Variants in INO80 observed in about 807,000 individuals in gnomAD.
INO80 encodes the protein INO80 complex ATPase subunit.
A neutral mutation model predicts 203.4 loss-of-function variants in INO80; 20 were observed. The observed-to-expected ratio is 0.10, with a 90% CI of 0.07 to 0.14. The LOEUF (loss-of-function observed/expected upper bound fraction) is 0.14, where lower values mean the gene tolerates loss of function less well. INO80 is among the 10% of genes least tolerant of loss of function. The pLI, the probability that INO80 is intolerant of heterozygous loss-of-function variation, is 1.00. For synonymous variants in INO80, 726 were observed against 685.2 expected (o/e 1.06, Z -0.93); for missense variants, 1,419 against 1,914.4 (o/e 0.74, Z 4.83).
Position 40,978,923 on chromosome 15 carries a change from A to G in INO80, c.*1300T>C, listed in dbSNP as rs1893700922. 6.6e-6 allele frequency: 1 copy of G among 152,594 alleles called. No homozygotes were observed. The highest frequency in any genetic ancestry group is 6.5e-5 in the Admixed American group (1 of 15,274). The allele number at this position is 152,594 out of a possible 1,614,324, so 9.5% of individuals were successfully genotyped here. A position where few individuals can be genotyped will look rare whatever the true frequency, so the allele number is the denominator to read the frequency against. The stretch of plus-strand genomic sequence containing the variant: ...ACTCCATTTTATTTAAGATTTTTTT[A>G]TCCAGTTAGTAAAAGGAAGATGTGT... On this transcript the variant is annotated 3_prime_UTR_variant, in exon 36 of 36. Transcript: ENST00000648947.
At chr15:41,063,881 A>G (rs891408751) in intron 14 of INO80, among the ~76,000 whole-genome samples, 5 of 152,222 alleles carry the variant, frequency 3.3e-5, no homozygotes, top group African/African-American at 1.2e-4. Flanking sequence ...GAAAAAAATT[A>G]AAGAAAAACA....
At chr15:41,060,265 G>A (rs1260090809) in intron 14 of INO80, among the ~76,000 whole-genome samples, 1 of 152,084 alleles carries the variant, frequency 6.6e-6, no homozygotes, top group African/African-American at 2.4e-5. Flanking sequence ...TAGTTGAGAG[G>A]GTAAGAAACT....
At chr15:41,092,819 G>A (rs1344540978) in intron 4 of INO80, among the ~76,000 whole-genome samples, 2 of 152,174 alleles carry the variant, frequency 1.3e-5, no homozygotes, top group African/African-American at 4.8e-5. Flanking sequence ...CACTTTGGCA[G>A]GCCCAGGCAT....
intron 29 of INO80, among the ~76,000 whole-genome samples, chr15:40,995,259 C>G (rs1442278647): frequency 6.6e-6 from 1 of 152,032 alleles, no homozygotes; most frequent in Non-Finnish European, 1.5e-5. Flanking sequence ...AAGGGAGGGG[C>G]TGGGAAAGGA....
At chr15:41,115,805 A>C (rs1413077517) in intron 1 of INO80, among the ~76,000 whole-genome samples, 168 bp downstream of exon 1, 2 of 152,070 alleles carry the variant, frequency 1.3e-5, no homozygotes, top group Admixed American at 1.3e-4. Flanking sequence ...TGAGGTCCCA[A>C]CCCTGCGGGG....
rs150253639 is a variant in INO80 at position 41,030,617 on chromosome 15, C to T, written c.2908-2881G>A. 1.2e-3 allele frequency among the ~76,000 whole-genome samples: 181 copies of T among 152,182 alleles called. 3 individuals are homozygous for T. In the East Asian group the frequency reaches 0.027, roughly 23 times the overall value. ...CCACAAGTGATCCCCTCTCCTCAGC[C>T]TCCCAAAGTGCTGGGATTATAGGCA... On this transcript the variant is annotated intron_variant, in intron 24 of 35. Coordinates refer to ENST00000648947, the MANE Select transcript of INO80 (RefSeq NM_017553.3).
chr15:41,012,282 G>C (rs1338986703), intron 27 of INO80, among the ~76,000 whole-genome samples: 1 of 152,108 alleles, frequency 6.6e-6, no homozygotes. Flanking sequence ...AGATCCTATA[G>C]GTGGCCAGGC....
intron 32 of INO80, 133 bp from the exon 33 acceptor site, chr15:40,984,485 A>G (rs1893947930): frequency 2.6e-6 from 2 of 782,868 alleles, no homozygotes. Context: ...ATTTTTACGG[A>G]AGAAAAACTG....
chr15:40,986,375 A>G (rs1012319255), intron 31 of INO80, among the ~76,000 whole-genome samples: 1 of 126,052 alleles, frequency 7.9e-6, no homozygotes, highest in East Asian at 2.6e-4. Context: ...TCCAGGCTGG[A>G]GTGCAATGGC....
intron 27 of INO80, chr15:41,013,319 T>C (rs558867917): frequency 1.3e-5 from 2 of 152,354 alleles, no homozygotes; most frequent in East Asian, 3.9e-4. Flanking sequence ...CTTAAGTTTG[T>C]GTTTTTTCTT....
chr15:41,056,828 ATCATGTAT>A, intron 16 of INO80, 122 bp from the exon 17 acceptor site: 1 of 716,974 alleles, frequency 1.4e-6, no homozygotes, highest in Non-Finnish European at 2.4e-6. Flanking sequence ...CAAGTACTCC[ATCATGTAT>A]TCAACTGAAA....
intron 27 of INO80, among the ~76,000 whole-genome samples, chr15:41,012,049 C>T (rs1354471548): frequency 3.3e-5 from 5 of 152,176 alleles, no homozygotes; most frequent in African/African-American, 1.2e-4. Context: ...CCTTAAACTA[C>T]AAACTCAGTT....
At chr15:41,102,496 A>G (rs920631478) in intron 1 of INO80, among the ~76,000 whole-genome samples, 90 of 152,094 alleles carry the variant, frequency 5.9e-4, no homozygotes, top group African/African-American at 2.1e-3. Context: ...GTGAAACCCC[A>G]TCTCTACTAA....
intron 5 of INO80, 112 bp from the exon 6 acceptor site, chr15:41,087,794 T>C (rs2045583211): frequency 2.8e-6 from 3 of 1,077,358 alleles, no homozygotes; most frequent in Admixed American, 3.0e-5. Context: ...TACAGTATTC[T>C]TCCCACAAAG....
chr15:41,047,343 G>T (rs2044786181), intron 23 of INO80, 65 bp downstream of exon 23: 4 of 918,484 alleles, frequency 4.4e-6, no homozygotes, highest in Non-Finnish European at 7.0e-6. Context: ...TAATTCCACA[G>T]TATTCAATAT....
chr15:41,006,641 A>G (rs368481118), intron 27 of INO80, among the ~76,000 whole-genome samples: 1 of 152,308 alleles, frequency 6.6e-6, no homozygotes, highest in South Asian at 2.1e-4. Flanking sequence ...GTAGTTTGGA[A>G]TATCTGGTGC....
At chr15:41,065,413 C>T (rs768649270) in intron 14 of INO80, among the ~76,000 whole-genome samples, 5 of 151,626 alleles carry the variant, frequency 3.3e-5, no homozygotes, top group Admixed American at 6.6e-5. Flanking sequence ...CCAGCCTGGG[C>T]GACAGAGCAA....
intron 4 of INO80, among the ~76,000 whole-genome samples, chr15:41,093,024 G>A (rs1382665134): frequency 6.6e-6 from 1 of 152,172 alleles, no homozygotes; most frequent in Non-Finnish European, 1.5e-5. Flanking sequence ...AACAGAGCAA[G>A]AGCCTGTCTC....
At chr15:41,032,552 G>C (rs186697365) in intron 24 of INO80, among the ~76,000 whole-genome samples, 2 of 152,096 alleles carry the variant, frequency 1.3e-5, no homozygotes, top group Non-Finnish European at 2.9e-5. Flanking sequence ...CTTCCTGTTT[G>C]GGGGGTGAAA....
Sources: gnomAD v4.1 joint callset for allele counts (sites outside exome capture counted in the v4.1 genomes callset) on GRCh38, gnomAD v4.1.1 for gene constraint, MANE v1.5 for transcripts, NCBI Gene and HGNC (gene_info 2026-07-23, HGNC 2026-07-21) for gene names.